The following APP variants were observed in gnomAD, a reference collection of about 807,000 sequenced individuals.
The protein encoded by APP is amyloid beta precursor protein.
A neutral mutation model predicts 101.4 loss-of-function variants in APP; 31 were observed. The ratio of observed to expected loss-of-function variants is 0.31; its 90% CI spans 0.23 to 0.41. The LOEUF is 0.41. Among genes scored for constraint, APP ranks in the 10% least tolerant of loss-of-function variants. APP has a pLI of 1.00. For synonymous variants in APP, 366 were observed against 364.4 expected (o/e 1.00, Z -0.05); for missense variants, 839 against 1,003.7 (o/e 0.84, Z 2.22).
At chr21:26,124,891 T>C (rs542768776) in intron 1 of APP, among the ~76,000 whole-genome samples, 1 of 152,372 alleles carries the variant, frequency 6.6e-6, no homozygotes, top group East Asian at 1.9e-4. Flanking sequence ...TTGGGGACAG[T>C]GGGGTAACCC....
At position 25,918,792 on chromosome 21, in the gene APP, C is replaced by T. The variant is rs1239871427; in HGVS notation, c.1688-6830G>A. ...CTGAGATCAAACTGCAAGGCGGCAG[C>T]GAGGCTGGGGGAGGGGAGCCCGCCA... is the stretch of plus-strand genomic sequence containing the variant. On this transcript the variant is annotated intron_variant, in intron 13 of 17. Transcript: ENST00000346798. Among the ~76,000 whole-genome samples the T allele has an allele frequency of 4.0e-4, 60 of 150,334 alleles. 1 individual carries two copies. In the South Asian group the frequency reaches 0.013, roughly 31 times the overall value.
At chr21:25,933,468 T>G (rs867270191) in intron 13 of APP, among the ~76,000 whole-genome samples, 2 of 152,182 alleles carry the variant, frequency 1.3e-5, no homozygotes, top group South Asian at 2.1e-4. Flanking sequence ...TACAGTAGAT[T>G]ACTGTAAATT....
chr21:26,108,253 G>C (rs2062229345), intron 2 of APP, among the ~76,000 whole-genome samples: 1 of 152,176 alleles, frequency 6.6e-6, no homozygotes. Context: ...TTACAACTCA[G>C]TAACATTTAT....
At chr21:25,897,992 G>A (rs1189592139) in intron 15 of APP, 3 of 377,382 alleles carry the variant, frequency 7.9e-6, no homozygotes, top group African/African-American at 2.1e-5. Flanking sequence ...ATTTGTTCCT[G>A]GAATATGTTG....
chr21:26,128,567 C>T (rs1465135978), intron 1 of APP, among the ~76,000 whole-genome samples: 2 of 152,046 alleles, frequency 1.3e-5, no homozygotes, highest in African/African-American at 4.8e-5. Context: ...ACATTCGTTT[C>T]GAAGTATGAA....
chr21:25,971,439 T>C (rs1601073055), intron 11 of APP, among the ~76,000 whole-genome samples: 1 of 152,204 alleles, frequency 6.6e-6, no homozygotes, highest in African/African-American at 2.4e-5. Flanking sequence ...GCCAAACTCA[T>C]GGCCCTGAAT....
intron 5 of APP, among the ~76,000 whole-genome samples, chr21:26,046,347 T>A (rs1319284235): frequency 2.0e-5 from 3 of 150,860 alleles, no homozygotes; most frequent in East Asian, 2.0e-4. Context: ...GAGGCAGAGG[T>A]TGCAGTGAGC....
chr21:25,947,300 A>G (rs1243904189), intron 13 of APP, among the ~76,000 whole-genome samples: 1 of 25,064 alleles, frequency 4.0e-5, no homozygotes, highest in African/African-American at 1.6e-4. Context: ...AAAGCACTCT[A>G]CTAACCACCA....
chr21:26,026,961 A>C (rs1429124910), intron 5 of APP, among the ~76,000 whole-genome samples: 1 of 152,202 alleles, frequency 6.6e-6, no homozygotes, highest in Non-Finnish European at 1.5e-5. Context: ...TATATGGGAG[A>C]ATCTCAGTAC....
intron 1 of APP, among the ~76,000 whole-genome samples, chr21:26,161,150 TCAAA>T (rs997460195): frequency 4.3e-4 from 65 of 152,332 alleles, no homozygotes; most frequent in African/African-American, 1.1e-3. Flanking sequence ...TCATGAGTGA[TCAAA>T]CAAATTACTG....
At chr21:25,921,418 C>CA (rs753723426) in intron 13 of APP, among the ~76,000 whole-genome samples, 3 of 145,432 alleles carry the variant, frequency 2.1e-5, no homozygotes, top group Non-Finnish European at 4.6e-5. Context: ...AAAAACCCTT[C>CA]AAAAAAATCA....
At chr21:26,103,931 CT>C (rs1416224042) in intron 2 of APP, among the ~76,000 whole-genome samples, 1 of 152,200 alleles carries the variant, frequency 6.6e-6, no homozygotes, top group African/African-American at 2.4e-5. Context: ...AAAATGCTGC[CT>C]TACTGTGAAT....
intron 15 of APP, among the ~76,000 whole-genome samples, chr21:25,901,208 G>T (rs931047288): frequency 6.6e-6 from 1 of 151,048 alleles, no homozygotes; most frequent in Non-Finnish European, 1.5e-5. Context: ...TTAGGTGGGA[G>T]GATAGCTTTA....
intron 11 of APP, among the ~76,000 whole-genome samples, chr21:25,956,494 A>C (rs1379093568): frequency 6.6e-6 from 1 of 152,234 alleles, no homozygotes; most frequent in African/African-American, 2.4e-5. Context: ...CCTGGTCTTC[A>C]ACAATTTCAT....
intron 13 of APP, among the ~76,000 whole-genome samples, chr21:25,946,516 AT>A (rs1436431248): frequency 6.6e-6 from 1 of 152,064 alleles, no homozygotes; most frequent in East Asian, 1.9e-4. Context: ...AAATACAAAA[AT>A]TAGCTGGATG....
chr21:26,099,035 G>T (rs765950946), intron 2 of APP, among the ~76,000 whole-genome samples: 2 of 152,030 alleles, frequency 1.3e-5, no homozygotes, highest in Non-Finnish European at 2.9e-5. Flanking sequence ...TAGATGGGAG[G>T]GTTCATTTTA....
intron 3 of APP, among the ~76,000 whole-genome samples, chr21:26,065,022 T>C (rs923206909): frequency 5.3e-5 from 8 of 152,144 alleles, no homozygotes; most frequent in Non-Finnish European, 8.8e-5. Flanking sequence ...CCCAGCTGGT[T>C]TTTGTATTTT....
intron 3 of APP, among the ~76,000 whole-genome samples, chr21:26,074,376 C>T (rs1048131594): frequency 6.6e-6 from 1 of 152,120 alleles, no homozygotes; most frequent in Non-Finnish European, 1.5e-5. Context: ...TAAATAGTAT[C>T]CTAACCTTTA....
chr21:26,035,815 G>A (rs1478410496), intron 5 of APP, among the ~76,000 whole-genome samples: 1 of 152,094 alleles, frequency 6.6e-6, no homozygotes, highest in Non-Finnish European at 1.5e-5. Flanking sequence ...AAGAAACAAT[G>A]GGAGTTTAGA....
Sources: gnomAD v4.1 joint callset for allele counts (sites outside exome capture counted in the v4.1 genomes callset) on GRCh38, gnomAD v4.1.1 for gene constraint, MANE v1.5 for transcripts, NCBI Gene and HGNC (gene_info 2026-07-23, HGNC 2026-07-21) for gene names.